Variants in PCCA observed in about 807,000 individuals in gnomAD.
PCCA encodes the protein propionyl-CoA carboxylase alpha chain, mitochondrial.
A neutral mutation model predicts 101.3 loss-of-function variants in PCCA; 74 were observed. That is an observed-to-expected ratio of 0.73 (90% CI 0.61 to 0.89). The LOEUF (loss-of-function observed/expected upper bound fraction) is 0.89, where lower values mean the gene tolerates loss of function less well. Among genes scored for constraint, PCCA ranks in the 40% least tolerant of loss-of-function variants. PCCA has a pLI of 0.00. For synonymous variants in PCCA, 294 were observed against 313.6 expected (o/e 0.94, Z 0.66); for missense variants, 891 against 907.0 (o/e 0.98, Z 0.23).
chr13:100,233,084 TC>T (rs1364951734), intron 7 of PCCA, among the ~76,000 whole-genome samples: 3 of 152,226 alleles, frequency 2.0e-5, no homozygotes, highest in African/African-American at 7.2e-5. Flanking sequence ...ATAATGAATT[TC>T]TTTGTATGTC....
chr13:100,098,158 A>G (rs114117163), intron 1 of PCCA, among the ~76,000 whole-genome samples: 1 of 152,086 alleles, frequency 6.6e-6, no homozygotes, highest in African/African-American at 2.4e-5. Flanking sequence ...GCCTGTGAGT[A>G]GTCACTGCAG....
intron 22 of PCCA, among the ~76,000 whole-genome samples, chr13:100,520,074 T>C (rs2087118396): frequency 1.3e-5 from 2 of 152,272 alleles, no homozygotes; most frequent in Admixed American, 1.3e-4. Context: ...TACACAGAGA[T>C]CCATGCATTT....
intron 21 of PCCA, among the ~76,000 whole-genome samples, chr13:100,463,913 C>T (rs945018008): frequency 2.0e-5 from 3 of 152,196 alleles, no homozygotes; most frequent in African/African-American, 7.2e-5. Context: ...TAGGGTATCA[C>T]TAAGTTATTT....
At chr13:100,141,522 T>C (rs1352591731) in intron 4 of PCCA, among the ~76,000 whole-genome samples, 1 of 152,178 alleles carries the variant, frequency 6.6e-6, no homozygotes, top group Non-Finnish European at 1.5e-5. Flanking sequence ...GTGATTATTA[T>C]GCCTCAGCCT....
At chr13:100,473,179 C>T (rs2083150117) in intron 21 of PCCA, 2 of 152,204 alleles carry the variant, frequency 1.3e-5, no homozygotes, top group Non-Finnish European at 2.9e-5. Context: ...ACCTGTGCCG[C>T]GCAGGGACTT....
intron 8 of PCCA, among the ~76,000 whole-genome samples, chr13:100,240,306 G>A (rs1460029803): frequency 6.6e-6 from 1 of 150,730 alleles, no homozygotes; most frequent in Non-Finnish European, 1.5e-5. Context: ...TCCCTTCTCT[G>A]CCTCCCATAC....
intron 12 of PCCA, among the ~76,000 whole-genome samples, chr13:100,298,305 C>T (rs573489632): frequency 1.3e-5 from 2 of 152,188 alleles, no homozygotes; most frequent in East Asian, 1.9e-4. Context: ...TGCGCAAGGC[C>T]CTTCTCTAGG....
At chr13:100,282,658 G>A (rs938851931) in intron 12 of PCCA, among the ~76,000 whole-genome samples, 2 of 152,200 alleles carry the variant, frequency 1.3e-5, no homozygotes, top group African/African-American at 2.4e-5. Context: ...TTTTCTCTCT[G>A]ATGGGGAAAA....
chr13:100,168,022 C>T (rs2055233759), intron 6 of PCCA, among the ~76,000 whole-genome samples: 1 of 152,154 alleles, frequency 6.6e-6, no homozygotes, highest in Non-Finnish European at 1.5e-5. Flanking sequence ...TTGGTGTGAC[C>T]TCCTTCCTCA....
intron 21 of PCCA, among the ~76,000 whole-genome samples, chr13:100,487,003 T>C (rs769465435): frequency 1.8e-4 from 27 of 152,228 alleles, no homozygotes; most frequent in Non-Finnish European, 1.5e-5. Context: ...ATTGTCTTCA[T>C]GCTCTTATGT....
rs146927771 is a variant in PCCA at position 100,273,210 on chromosome 13, C to G, written c.929C>G (p.Ala310Gly). The change falls in exon 12 of 24, where the codon GCG becomes GGG. Residue 310 changes from alanine to glycine, a missense_variant. Transcript: ENST00000376285. ...TGTATATGTAGCATTTTTTTGGATGCGGAGACTCGAAGAGCGATGGGAGAA... is the reference window on the plus strand; with the variant it reads ...TGTATATGTAGCATTTTTTTGGATGGGGAGACTCGAAGAGCGATGGGAGAA... ...VEEAPSIFLD[A>G]ETRRAMGEQA... is the part of the protein sequence containing the mutation. 1,057 of 1,612,482 alleles carry G rather than the reference C, an allele frequency of 6.6e-4. 2 individuals carry two copies. The highest frequency in any genetic ancestry group is 6.7e-4 in the Non-Finnish European group (786 of 1,178,712).
At chr13:100,223,729 C>A (rs914558331) in intron 7 of PCCA, among the ~76,000 whole-genome samples, 2 of 152,160 alleles carry the variant, frequency 1.3e-5, no homozygotes. Context: ...TCTGTTTTGA[C>A]AGGGCACTGA....
chr13:100,229,599 C>T (rs1170289094), intron 7 of PCCA, among the ~76,000 whole-genome samples: 2 of 152,154 alleles, frequency 1.3e-5, no homozygotes, highest in Non-Finnish European at 2.9e-5. Context: ...TTACTTCCTC[C>T]TTCCTTTGTT....
At chr13:100,125,986 G>C (rs924894279) in intron 4 of PCCA, among the ~76,000 whole-genome samples, 1 of 152,206 alleles carries the variant, frequency 6.6e-6, no homozygotes, top group Non-Finnish European at 1.5e-5. Context: ...TAGTGTTAGT[G>C]GTGGGGATGA....
At chr13:100,110,362 GAGT>G (rs1439557732) in intron 2 of PCCA, among the ~76,000 whole-genome samples, 2 of 152,162 alleles carry the variant, frequency 1.3e-5, no homozygotes, top group African/African-American at 2.4e-5. Context: ...TACAATTTTA[GAGT>G]AGGAAGAAAA....
chr13:100,285,903 G>A (rs1462231398), intron 12 of PCCA, among the ~76,000 whole-genome samples: 1 of 152,202 alleles, frequency 6.6e-6, no homozygotes, highest in Non-Finnish European at 1.5e-5. Flanking sequence ...ATACTTGAAA[G>A]CAAGCCTCTT....
intron 4 of PCCA, among the ~76,000 whole-genome samples, chr13:100,142,016 G>T (rs370311078): frequency 1.3e-5 from 2 of 152,132 alleles, no homozygotes; most frequent in East Asian, 3.9e-4. Context: ...GACTTTGAGT[G>T]TTGGCAATAA....
In PCCA at chr13:100,211,996, TC is replaced by T. The variant is rs1268993336; in HGVS notation, c.600+2536del. 2.6e-4 allele frequency among the ~76,000 whole-genome samples: 40 copies of T among 152,286 alleles called. 1 individual carries two copies. The highest frequency in any genetic ancestry group is 9.4e-4 in the African/African-American group (39 of 41,556). ...GCTCAAGCAGTCCTTCCCCTCGGCC[TC>T]CCAAAGTGCTGGGATTACAGGCATG... On this transcript the variant is annotated intron_variant, in intron 7 of 23. Coordinates refer to ENST00000376285, the MANE Select transcript of PCCA (RefSeq NM_000282.4).
chr13:100,378,787 A>G (rs892924043), intron 19 of PCCA, among the ~76,000 whole-genome samples: 1 of 151,946 alleles, frequency 6.6e-6, no homozygotes, highest in African/African-American at 2.4e-5. Context: ...ATTCTTTTTT[A>G]TGATACCCAT....
Sources: gnomAD v4.1 joint callset for allele counts (sites outside exome capture counted in the v4.1 genomes callset) on GRCh38, gnomAD v4.1.1 for gene constraint, MANE v1.5 for transcripts, NCBI Gene and HGNC (gene_info 2026-07-23, HGNC 2026-07-21) for gene names.